The following NRXN2 variants were observed in gnomAD, a reference collection of about 807,000 sequenced individuals.
The protein encoded by NRXN2 is neurexin 2.
Under a neutral mutation model 128.8 loss-of-function variants are expected in NRXN2, and 29 were observed. The observed-to-expected ratio is 0.23, with a 90% CI of 0.17 to 0.31. NRXN2 has a LOEUF of 0.31. Among genes scored for constraint, NRXN2 ranks in the 10% least tolerant of loss-of-function variants. The probability of loss-of-function intolerance (pLI) is 1.00; values close to 1 mark genes in which losing one functional copy is unlikely to be tolerated. For synonymous variants in NRXN2, 1,098 were observed against 1,075.2 expected (o/e 1.02, Z -0.41); for missense variants, 1,881 against 2,452.6 (o/e 0.77, Z 4.92).
At chr11:64,653,554 C>T (rs1336322225) in intron 12 of NRXN2, 142 bp downstream of exon 12, 2 of 825,922 alleles carry the variant, frequency 2.4e-6, no homozygotes, top group Non-Finnish European at 2.1e-6. Context: ...CTCCTGCCTG[C>T]ACCCCTCCCC....
chr11:64,674,483 A>T (rs2051048312), intron 7 of NRXN2, among the ~76,000 whole-genome samples: 1 of 152,142 alleles, frequency 6.6e-6, no homozygotes, highest in Admixed American at 6.5e-5. Context: ...TGAGCCCAGC[A>T]GGTTGTTTGC....
At chr11:64,702,149 C>T (rs1216450420) in intron 2 of NRXN2, among the ~76,000 whole-genome samples, 30 of 142,622 alleles carry the variant, frequency 2.1e-4, no homozygotes, top group African/African-American at 6.0e-4. Context: ...GCCCCCCACC[C>T]GGCCAGCCGC....
intron 4 of NRXN2, 68 bp from the exon 5 acceptor site, chr11:64,690,544 G>A: frequency 7.4e-7 from 1 of 1,358,222 alleles, no homozygotes; most frequent in South Asian, 1.2e-5. Flanking sequence ...GCCTTGAGGG[G>A]ATGAAGGGCC....
chr11:64,658,534 A>AT (rs2048581531), intron 11 of NRXN2, among the ~76,000 whole-genome samples: 1 of 152,224 alleles, frequency 6.6e-6, no homozygotes, highest in Admixed American at 6.5e-5. Context: ...GGCCACCTGC[A>AT]TATCTCCCCA....
chr11:64,709,813 C>G (rs745849828), intron 2 of NRXN2, among the ~76,000 whole-genome samples: 2 of 151,954 alleles, frequency 1.3e-5, no homozygotes, highest in Non-Finnish European at 2.9e-5. Context: ...TCAACAGATA[C>G]CACACACACA....
At chr11:64,721,229 C>T (rs1167582911) in intron 1 of NRXN2, among the ~76,000 whole-genome samples, 1 of 151,570 alleles carries the variant, frequency 6.6e-6, no homozygotes, top group Non-Finnish European at 1.5e-5. Context: ...CAAGGGTAAG[C>T]GGGAGGGAGC....
In NRXN2 at chr11:64,622,685, G is replaced by C. The variant is rs1377159824; in HGVS notation, c.4173+68C>G. 16 of 1,554,724 alleles carry C rather than the reference G, an allele frequency of 1.0e-5. No homozygotes were observed. The East Asian group carries it at 3.4e-4, about 33-fold the overall frequency. ...CCTCACTCTAGGCACCACTACTGTG[G>C]CTATGCAGATATCAACCCCATCCCC... On this transcript the variant is annotated intron_variant, in intron 21 of 22. Coordinates refer to ENST00000265459, the MANE Select transcript of NRXN2 (RefSeq NM_015080.4). This position sits in a 1 kb window ranked among gnomAD's most constrained non-coding sequence, Gnocchi z 4.3.
intron 22 of NRXN2, among the ~76,000 whole-genome samples, chr11:64,619,071 C>T (rs1037947419): frequency 3.3e-5 from 5 of 152,104 alleles, no homozygotes; most frequent in Non-Finnish European, 5.9e-5. Context: ...AGCTGGGAGG[C>T]CCCCAGGCCA....
Position 64,623,032 on chromosome 11 carries a change from C to T in NRXN2, c.3894G>A (p.Gly1298=). 10 of 1,610,696 alleles carry T rather than the reference C, an allele frequency of 6.2e-6. No homozygotes were observed. Among genetic ancestry groups the T allele is most frequent in the Non-Finnish European group, 8.5e-6 (10 of 1,178,718 alleles). ...GGAAGGGGCGGCCCTGATCCCGGCC[C>T]CCGATCTTGATGGCAGCCTGGCTGT... is the stretch of plus-strand genomic sequence containing the variant. The part of the protein sequence containing the change: ...IFNSQAAIKI[G]GRDQGRPFQG... The change falls in exon 21 of 23, where the codon GGG becomes GGA. Residue 1298 remains glycine, a synonymous_variant. Transcript: ENST00000265459. This position sits in a 1 kb window ranked among gnomAD's most constrained non-coding sequence, Gnocchi z 4.9.
rs746662719 is a variant in NRXN2 at position 64,607,248 on chromosome 11, G to C, written c.5087C>G (p.Pro1696Arg). Residue 1696 changes from proline (P) to arginine (R), a missense_variant, in exon 23 of 23, where the codon CCC (proline) becomes CGC (arginine). Pro to Arg is a moderately radical substitution (Grantham distance 103). Coordinates refer to ENST00000265459, the MANE Select transcript of NRXN2 (RefSeq NM_015080.4). ...AVVKEKAPAAPKTPSKAKKNK... is the reference protein window; with the variant it reads ...AVVKEKAPAARKTPSKAKKNK... Reference sequence around the variant, plus strand: ...CTTCTTGGCCTTGCTGGGCGTCTTGGGGGCAGCCGGGGCCTTCTCTTTCAC... The same window carrying C: ...CTTCTTGGCCTTGCTGGGCGTCTTGCGGGCAGCCGGGGCCTTCTCTTTCAC... 6.2e-6 allele frequency: 10 copies of C among 1,613,856 alleles called. No homozygotes were observed. Among genetic ancestry groups the C allele is most frequent in the Non-Finnish European group, 8.5e-6 (10 of 1,179,972 alleles).
At chr11:64,657,543 C>A (rs1175258561) in intron 11 of NRXN2, among the ~76,000 whole-genome samples, 1 of 152,186 alleles carries the variant, frequency 6.6e-6, no homozygotes, top group Non-Finnish European at 1.5e-5. Flanking sequence ...TCCATCTGAG[C>A]CTCAAAACCA....
At position 64,607,338 on chromosome 11, in the gene NRXN2, C is replaced by T; in HGVS notation, c.4997G>A (p.Gly1666Asp). Residue 1666 changes from glycine to aspartate, a missense_variant, in exon 23 of 23, where the codon GGC (glycine) becomes GAC (aspartate). By Grantham distance (94) the Gly-to-Asp change is moderately conservative. Around this residue, in one of 7 missense-constraint regions of NRXN2, gnomAD observed 63 missense variants for 76.0 expected, o/e 0.83. Transcript: ENST00000265459. ...AMYKYRNRDE[G>D]SYQVDQSRNY... is the part of the protein sequence containing the mutation. ...TCGGCTCTGGTCCACCTGGTAGGAG[C>T]CCTCATCACGATTGCGGTACTTATA... The T allele has an allele frequency of 6.2e-7, 1 of 1,614,014 alleles. No homozygotes were observed.
Position 64,630,139 on chromosome 11 carries a change from C to T in NRXN2, c.3757+263G>A, listed in dbSNP as rs1409216199. Among the ~76,000 whole-genome samples, 1 of 151,902 alleles carries T rather than the reference C, an allele frequency of 6.6e-6. No homozygotes were observed. The highest frequency in any genetic ancestry group is 6.5e-5 in the Admixed American group (1 of 15,274). On this transcript the variant is annotated intron_variant, in intron 19 of 22. Coordinates refer to ENST00000265459, the MANE Select transcript of NRXN2 (RefSeq NM_015080.4). The surrounding 1 kb of genome is among the most constrained non-coding windows in gnomAD (Gnocchi z 4.6). ...AACTGGACCCTGGCCTTGCAACCTTCCCAGCTCAGCCCTGCACCCTCCCCC... is the reference window on the plus strand; with the variant it reads ...AACTGGACCCTGGCCTTGCAACCTTTCCAGCTCAGCCCTGCACCCTCCCCC...
intron 11 of NRXN2, among the ~76,000 whole-genome samples, chr11:64,655,823 G>T (rs1321478259): frequency 6.6e-6 from 1 of 152,222 alleles, no homozygotes; most frequent in Non-Finnish European, 1.5e-5. Context: ...GACTGAGAGT[G>T]AGCAGGAGAA....
At chr11:64,640,564 A>AG (rs749949596) in intron 17 of NRXN2, among the ~76,000 whole-genome samples, 2 of 150,338 alleles carry the variant, frequency 1.3e-5, no homozygotes, top group Non-Finnish European at 3.0e-5. Flanking sequence ...GTTCCTGGGG[A>AG]GGGGGAGGGA....
chr11:64,690,371 G>A (rs1229774082), intron 5 of NRXN2, 34 bp downstream of exon 5: 1 of 1,591,970 alleles, frequency 6.3e-7, no homozygotes, highest in East Asian at 2.2e-5. Flanking sequence ...CAGGATGAGG[G>A]CTGGGCTCTC....
intron 1 of NRXN2, among the ~76,000 whole-genome samples, chr11:64,722,761 G>T (rs976591495): frequency 4.7e-5 from 7 of 149,862 alleles, no homozygotes; most frequent in African/African-American, 1.7e-4. Flanking sequence ...AGCTCTCAGG[G>T]CCAGTGCCCC....
At chr11:64,644,031 G>A (rs961905328) in intron 17 of NRXN2, among the ~76,000 whole-genome samples, 3 of 151,992 alleles carry the variant, frequency 2.0e-5, no homozygotes, top group African/African-American at 7.3e-5. Context: ...GGCACAGTGT[G>A]CGGGTAGGCA....
intron 1 of NRXN2, among the ~76,000 whole-genome samples, chr11:64,717,613 G>C (rs2057336333): frequency 1.3e-5 from 2 of 152,148 alleles, no homozygotes; most frequent in African/African-American, 4.8e-5. Flanking sequence ...GTCCTCCTAG[G>C]CCAAAGCCTC....
Sources: gnomAD v4.1 joint callset for allele counts (sites outside exome capture counted in the v4.1 genomes callset) on GRCh38, gnomAD v4.1.1 for gene constraint, gnomAD v4.1.1 regional missense constraint, Gnocchi (gnomAD v3.1) non-coding constraint, MANE v1.5 for transcripts, NCBI Gene and HGNC (gene_info 2026-07-23, HGNC 2026-07-21) for gene names.